Variants in RUNX2 observed in about 807,000 individuals in gnomAD.
RUNX2 encodes runt-related transcription factor 2.
Under a neutral mutation model 51.7 loss-of-function variants are expected in RUNX2, and 10 were observed. The ratio of observed to expected loss-of-function variants is 0.19; its 90% confidence interval spans 0.12 to 0.33. RUNX2 has a LOEUF of 0.33. Among genes scored for constraint, RUNX2 ranks in the 10% least tolerant of loss-of-function variants. The pLI is 1.00. For synonymous variants in RUNX2, 276 were observed against 273.6 expected (o/e 1.01, Z -0.09); for missense variants, 562 against 691.3 (o/e 0.81, Z 2.10).
intron 3 of RUNX2, among the ~76,000 whole-genome samples, chr6:45,426,482 G>A (rs1425148906): frequency 1.3e-5 from 2 of 152,228 alleles, no homozygotes; most frequent in African/African-American, 4.8e-5. Context: ...GGGTCTGTCA[G>A]CATTTCCACT....
intron 6 of RUNX2, 119 bp from the exon 7 acceptor site, chr6:45,512,127 A>ATG (rs1460214135): frequency 9.6e-6 from 8 of 831,284 alleles, no homozygotes; most frequent in Non-Finnish European, 1.6e-5. Flanking sequence ...TTATATATAT[A>ATG]TAAGCCATTT....
rs977325759 is a variant in RUNX2, at chr6:45,547,527, T to G, written c.*222T>G. On this transcript the variant is annotated 3_prime_UTR_variant, in exon 9 of 9. Coordinates refer to ENST00000647337, the MANE Select transcript of RUNX2 (RefSeq NM_001024630.4). ...TCAAGAGAGACAATTGCAATCGAGC[T>G]TCAGATTGTTTACTATTTAAGATGT... 3.4e-6 allele frequency: 2 copies of G among 582,256 alleles called. No individual in the cohort carries two copies. Among genetic ancestry groups the G allele is most frequent in the African/African-American group, 3.7e-5 (2 of 53,464 alleles). 36.1% of individuals were successfully genotyped at this position (582,256 alleles called of 1,614,324 possible). A position where few individuals can be genotyped will look rare whatever the true frequency, so the allele number is the denominator to read the frequency against.
At chr6:45,361,830 C>T (rs1397928013) in intron 2 of RUNX2, 1 of 152,342 alleles carries the variant, frequency 6.6e-6, no homozygotes, top group African/African-American at 2.4e-5. Flanking sequence ...GCAGGTGGAT[C>T]ACTTGAGGTC....
At chr6:45,546,583 A>G (rs1377447563) in intron 8 of RUNX2, among the ~76,000 whole-genome samples, 2 of 152,192 alleles carry the variant, frequency 1.3e-5, no homozygotes, top group African/African-American at 2.4e-5. Context: ...CCTGGCACAC[A>G]TGTGGGTTTT....
intron 6 of RUNX2, among the ~76,000 whole-genome samples, chr6:45,507,682 GGAA>G (rs1484614609): frequency 6.6e-6 from 1 of 152,036 alleles, no homozygotes; most frequent in African/African-American, 2.4e-5. Context: ...GATTTCTCTG[GGAA>G]GAAACCAAAA....
At chr6:45,484,329 G>T (rs766391610) in intron 5 of RUNX2, among the ~76,000 whole-genome samples, 2 of 152,098 alleles carry the variant, frequency 1.3e-5, no homozygotes, top group Non-Finnish European at 2.9e-5. Context: ...TGATGATGAT[G>T]AAAATAAGGA....
intron 7 of RUNX2, 98 bp downstream of exon 7, chr6:45,512,505 T>C: frequency 7.6e-7 from 1 of 1,322,660 alleles, no homozygotes; most frequent in Middle Eastern, 1.8e-4. Flanking sequence ...AGTGACTCTC[T>C]ATTAGAGGCA....
At chr6:45,545,634 A>C (rs1802377468) in intron 8 of RUNX2, among the ~76,000 whole-genome samples, 1 of 152,234 alleles carries the variant, frequency 6.6e-6, no homozygotes, top group African/African-American at 2.4e-5. Context: ...TTATAGCTAA[A>C]AGCTGTAGGA....
At chr6:45,485,666 G>A (rs1188927684) in intron 5 of RUNX2, among the ~76,000 whole-genome samples, 1 of 105,954 alleles carries the variant, frequency 9.4e-6, no homozygotes, top group Non-Finnish European at 2.0e-5. Context: ...TGTGTGCATG[G>A]ATATGTATGT....
At chr6:45,346,322 A>G (rs1790849394) in intron 2 of RUNX2, among the ~76,000 whole-genome samples, 1 of 152,142 alleles carries the variant, frequency 6.6e-6, no homozygotes, top group Admixed American at 6.5e-5. Context: ...AATAAATAAA[A>G]TAGATTTTTA....
At chr6:45,388,204 T>C (rs757667085) in intron 2 of RUNX2, among the ~76,000 whole-genome samples, 1 of 152,016 alleles carries the variant, frequency 6.6e-6, no homozygotes, top group Non-Finnish European at 1.5e-5. Context: ...AAGAGGCAGA[T>C]TGGAAAAAAG....
At chr6:45,540,652 C>T (rs1802192914) in intron 7 of RUNX2, among the ~76,000 whole-genome samples, 1 of 152,194 alleles carries the variant, frequency 6.6e-6, no homozygotes, top group African/African-American at 2.4e-5. Context: ...TTAAACTATT[C>T]ACTCCAAATA....
At position 45,349,273 on chromosome 6, in the gene RUNX2, T is replaced by C. The variant is rs146817344; in HGVS notation, c.58+20489T>C. Among the ~76,000 whole-genome samples the C allele has an allele frequency of 2.6e-3, 394 of 152,346 alleles. 3 individuals are homozygous for C. Among genetic ancestry groups the C allele is most frequent in the African/African-American group, 8.6e-3 (357 of 41,596 alleles). On this transcript the variant is annotated intron_variant, in intron 2 of 8. Coordinates refer to ENST00000647337, the MANE Select transcript of RUNX2 (RefSeq NM_001024630.4). ...CTATATTTTGTCCCACAATCTTCCA[T>C]TTAATGAGTCCACTAAAATAAGGAT... is the stretch of plus-strand genomic sequence containing the variant.
chr6:45,365,324 G>C (rs750806672), intron 2 of RUNX2: 2 of 1,538,456 alleles, frequency 1.3e-6, no homozygotes, highest in East Asian at 4.5e-5. Flanking sequence ...GAGAAATAAA[G>C]CTTACAAAAT....
Position 45,383,162 on chromosome 6 carries a change from C to T in RUNX2, c.59-39431C>T, listed in dbSNP as rs73444692. Among the ~76,000 whole-genome samples the T allele has an allele frequency of 5.0e-3, 759 of 152,202 alleles. 9 individuals are homozygous for T. The highest frequency in any genetic ancestry group is 0.017 in the African/African-American group (726 of 41,526). On this transcript the variant is annotated intron_variant, in intron 2 of 8. Transcript: ENST00000647337. ...AAATAAATAAGTTCTGGGCCGGGCA[C>T]GGTGACTCAAACCTATAATTCCAGC...
At chr6:45,442,369 G>A (rs968039649) in intron 5 of RUNX2, among the ~76,000 whole-genome samples, 10 of 152,172 alleles carry the variant, frequency 6.6e-5, no homozygotes, top group Non-Finnish European at 1.5e-4. Context: ...TGGTGTAGCA[G>A]CAGCAGCAAT....
intron 7 of RUNX2, among the ~76,000 whole-genome samples, chr6:45,537,156 C>T (rs1047577684): frequency 1.2e-4 from 18 of 152,186 alleles, no homozygotes; most frequent in Non-Finnish European, 1.5e-4. Flanking sequence ...TGCTTCATAT[C>T]ATTCAGAACA....
At chr6:45,519,247 G>A (rs1801425709) in intron 7 of RUNX2, among the ~76,000 whole-genome samples, 1 of 152,100 alleles carries the variant, frequency 6.6e-6, no homozygotes, top group Non-Finnish European at 1.5e-5. Context: ...ATTCTTTTGA[G>A]AGATTTTAAG....
chr6:45,463,500 A>T (rs549344130), intron 5 of RUNX2, among the ~76,000 whole-genome samples: 1 of 152,152 alleles, frequency 6.6e-6, no homozygotes, highest in South Asian at 2.1e-4. Flanking sequence ...TCTTTATTTC[A>T]TTTGGTGTAT....
Sources: gnomAD v4.1 joint callset for allele counts (sites outside exome capture counted in the v4.1 genomes callset) on GRCh38, gnomAD v4.1.1 for gene constraint, MANE v1.5 for transcripts, NCBI Gene and HGNC (gene_info 2026-07-23, HGNC 2026-07-21) for gene names.